ERI1: variants seen among roughly 807,000 people sequenced by gnomAD.
The protein encoded by ERI1 is 3'-5' exoribonuclease 1.
Under a neutral mutation model 39.7 loss-of-function variants are expected in ERI1, and 39 were observed. The observed-to-expected ratio is 0.98, with a 90% CI of 0.76 to 1.28. The LOEUF (loss-of-function observed/expected upper bound fraction) is 1.28, where lower values mean the gene tolerates loss of function less well. Among genes scored for constraint, ERI1 ranks in the 50% most tolerant of loss-of-function variants. The pLI is 0.00. For missense variants in ERI1, 581 were observed against 416.9 expected (o/e 1.39, Z -3.43); for synonymous variants, 204 against 149.6 (o/e 1.36, Z -2.65).
chr8:9,016,627 C>T (rs930493306), intron 4 of ERI1, among the ~76,000 whole-genome samples: 6 of 150,926 alleles, frequency 4.0e-5, no homozygotes, highest in Admixed American at 6.6e-5. Context: ...AGTGGTGAAT[C>T]GAAAGATTTC....
intron 3 of ERI1, among the ~76,000 whole-genome samples, chr8:9,038,693 G>A (rs140375683): frequency 6.6e-6 from 1 of 152,180 alleles, no homozygotes; most frequent in African/African-American, 2.4e-5. Flanking sequence ...GCAGGTGGAG[G>A]CTACATTGCA....
chr8:9,064,981 G>C (rs1349126909), intron 3 of ERI1, among the ~76,000 whole-genome samples: 2 of 152,182 alleles, frequency 1.3e-5, no homozygotes, highest in African/African-American at 4.8e-5. Flanking sequence ...AGGAAGGAGT[G>C]GGGGTCACAA....
At chr8:9,084,592 G>A (rs1442960091) in intron 3 of ERI1, among the ~76,000 whole-genome samples, 1 of 152,134 alleles carries the variant, frequency 6.6e-6, no homozygotes, top group East Asian at 1.9e-4. Context: ...TTTTGACTAG[G>A]ACTCGGGCTT....
At chr8:9,051,431 C>T (rs1798351703) in intron 3 of ERI1, among the ~76,000 whole-genome samples, 1 of 152,006 alleles carries the variant, frequency 6.6e-6, no homozygotes. Flanking sequence ...CTGAGGCAAG[C>T]AGATCCCTTG....
At chr8:9,033,678 T>TG (rs1399283336), downstream of ERI1, among the ~76,000 whole-genome samples, 1 of 152,208 alleles carries the variant, frequency 6.6e-6, no homozygotes, top group Non-Finnish European at 1.5e-5. Context: ...AGTTTACAGA[T>TG]GGGAAAGTTG....
At chr8:9,036,789 T>C (rs994163755), downstream of ERI1, among the ~76,000 whole-genome samples, 2 of 152,192 alleles carry the variant, frequency 1.3e-5, no homozygotes, top group Admixed American at 1.3e-4. Flanking sequence ...TGATGGCAGA[T>C]TGATGGAGGG....
At chr8:9,078,137 G>A (rs1467353409) in intron 3 of ERI1, among the ~76,000 whole-genome samples, 3 of 152,032 alleles carry the variant, frequency 2.0e-5, no homozygotes, top group South Asian at 2.1e-4. Flanking sequence ...CGACATGCGT[G>A]CGCCACCACG....
chr8:9,024,047 A>G (rs1414794584), intron 6 of ERI1, among the ~76,000 whole-genome samples: 1 of 152,018 alleles, frequency 6.6e-6, no homozygotes, highest in Non-Finnish European at 1.5e-5. Flanking sequence ...TGATCCGCAC[A>G]CCTTGGCCGT....
chr8:9,034,608 T>C (rs1357421113), downstream of ERI1, among the ~76,000 whole-genome samples: 1 of 152,160 alleles, frequency 6.6e-6, no homozygotes, highest in Non-Finnish European at 1.5e-5. Context: ...AATTGATAAA[T>C]GTCTGTGTTT....
intron 3 of ERI1, among the ~76,000 whole-genome samples, chr8:9,085,950 C>T (rs986928563): frequency 6.6e-6 from 1 of 152,076 alleles, no homozygotes; most frequent in Non-Finnish European, 1.5e-5. Context: ...AAAGTGTGTG[C>T]ATAAGCATGC....
rs934455520 is a variant in ERI1, at chr8:9,031,022, C to G, written c.*988C>G. The G allele has an allele frequency of 1.1e-4, 17 of 152,140 alleles. No individual in the cohort carries two copies. Among genetic ancestry groups the G allele is most frequent in the African/African-American group, 3.9e-4 (16 of 41,448 alleles). The allele number at this position is 152,140 out of a possible 1,614,324, so 9.4% of individuals were successfully genotyped here. ...CTGCTAAGTATTGAGTAATTCTTAA[C>G]TAATTCTAAAAACTAAAATGTGCAT... On this transcript the variant is annotated 3_prime_UTR_variant, in exon 7 of 7. Coordinates refer to ENST00000250263, the MANE Select transcript of ERI1 (RefSeq NM_153332.4).
chr8:9,073,839 C>G (rs1413034752), intron 3 of ERI1, among the ~76,000 whole-genome samples: 2 of 152,154 alleles, frequency 1.3e-5, no homozygotes, highest in African/African-American at 2.4e-5. Flanking sequence ...TGTTTAGGGT[C>G]TTTTACTTAT....
At chr8:9,099,337 C>T (rs1799977359) in intron 3 of ERI1, among the ~76,000 whole-genome samples, 2 of 152,186 alleles carry the variant, frequency 1.3e-5, no homozygotes, top group South Asian at 4.2e-4. Flanking sequence ...CACAGTGGCT[C>T]ATGCCTGTAA....
chr8:9,051,328 C>G (rs567917821), intron 3 of ERI1, among the ~76,000 whole-genome samples: 10 of 152,052 alleles, frequency 6.6e-5, no homozygotes, highest in African/African-American at 2.4e-4. Flanking sequence ...GGGGCTGAAA[C>G]TGCTAACATG....
chr8:9,040,963 G>T (rs1237580152), intron 3 of ERI1, among the ~76,000 whole-genome samples: 4 of 152,166 alleles, frequency 2.6e-5, no homozygotes, highest in Admixed American at 6.5e-5. Flanking sequence ...TGCTTACTCA[G>T]TCCTGGGCCA....
At chr8:9,048,811 ATTATTT>A (rs763315121) in intron 3 of ERI1, among the ~76,000 whole-genome samples, 15 of 151,918 alleles carry the variant, frequency 9.9e-5, no homozygotes, top group Non-Finnish European at 1.9e-4. Context: ...GCTAATTATT[ATTATTT>A]TTATTTTTAG....
intron 3 of ERI1, among the ~76,000 whole-genome samples, chr8:9,070,066 C>T (rs1483377156): frequency 6.6e-6 from 1 of 151,960 alleles, no homozygotes; most frequent in African/African-American, 2.4e-5. Flanking sequence ...TGGTGAAACC[C>T]TGCCTCTACT....
chr8:9,024,529 T>G (rs921317397), intron 6 of ERI1, among the ~76,000 whole-genome samples: 1 of 152,224 alleles, frequency 6.6e-6, no homozygotes, highest in South Asian at 2.1e-4. Flanking sequence ...CAATCAATTC[T>G]CCTGCCTCAG....
At chr8:9,074,663 G>A (rs1799152799) in intron 3 of ERI1, among the ~76,000 whole-genome samples, 1 of 152,124 alleles carries the variant, frequency 6.6e-6, no homozygotes, top group South Asian at 2.1e-4. Context: ...CAAACTCCTG[G>A]ACTCAAGTGA....
Sources: allele counts gnomAD v4.1 joint callset (sites outside exome capture counted in the v4.1 genomes callset), GRCh38; gene constraint gnomAD v4.1.1; transcripts MANE v1.5; gene names NCBI Gene and HGNC (gene_info 2026-07-23, HGNC 2026-07-21).